Variants in ACACB observed in about 807,000 individuals in gnomAD.
The protein encoded by ACACB is acetyl-CoA carboxylase beta.
ACACB carries 209 observed loss-of-function variants against 278.8 expected under a neutral mutation model. That is an observed-to-expected ratio of 0.75 (90% CI 0.67 to 0.84). The LOEUF is 0.84. ACACB is among the 40% of genes least tolerant of loss of function. The pLI is 0.00. For synonymous variants in ACACB, 1,174 were observed against 1,285.6 expected (o/e 0.91, Z 1.86); for missense variants, 2,850 against 3,269.0 (o/e 0.87, Z 3.13).
intron 36 of ACACB, chr12:109,242,128 T>C (rs2046816354): frequency 7.1e-6 from 2 of 280,192 alleles, no homozygotes; most frequent in South Asian, 1.5e-4. Flanking sequence ...GGCACAGGAC[T>C]GTTCGCACCA....
At chr12:109,171,779 T>C (rs1283831485) in intron 4 of ACACB, 26 bp from the exon 5 acceptor site, 2 of 1,573,622 alleles carry the variant, frequency 1.3e-6, no homozygotes, top group African/African-American at 2.7e-5. Context: ...AGCAGTTCCT[T>C]CCTTCTCCCT....
chr12:109,213,594 G>C (rs1356932330), intron 22 of ACACB, among the ~76,000 whole-genome samples: 1 of 151,852 alleles, frequency 6.6e-6, no homozygotes, highest in Admixed American at 6.6e-5. Flanking sequence ...GATGACAAAA[G>C]GATTTTCTTT....
intron 37 of ACACB, 118 bp downstream of exon 37, chr12:109,242,710 A>G (rs1331717725): frequency 7.7e-7 from 1 of 1,290,556 alleles, no homozygotes; most frequent in Non-Finnish European, 1.1e-6. Context: ...AGGTCTTGCC[A>G]GGTGCGGTGG....
chr12:109,235,708 T>C, intron 33 of ACACB, 61 bp downstream of exon 33: 1 of 1,485,824 alleles, frequency 6.7e-7, no homozygotes, highest in Non-Finnish European at 9.3e-7. Flanking sequence ...TTTTAAGAGA[T>C]GGGATGGGGC....
intron 1 of ACACB, among the ~76,000 whole-genome samples, chr12:109,119,044 C>G (rs1234718524): frequency 6.6e-6 from 1 of 152,062 alleles, no homozygotes; most frequent in East Asian, 1.9e-4. Flanking sequence ...TTGGCATACC[C>G]CAGGTATGCC....
chr12:109,175,171 G>T (rs2044243529), intron 7 of ACACB, among the ~76,000 whole-genome samples: 1 of 151,766 alleles, frequency 6.6e-6, no homozygotes, highest in South Asian at 2.1e-4. Flanking sequence ...GGAGTTTCTA[G>T]GACAAATTAA....
chr12:109,240,028 C>T (rs1463056454), intron 35 of ACACB, 43 bp downstream of exon 35: 1 of 1,593,090 alleles, frequency 6.3e-7, no homozygotes, highest in Non-Finnish European at 8.6e-7. Context: ...TCTGGGTTCA[C>T]CCTCTGAGCC....
chr12:109,159,223 A>G (rs2043642725), intron 2 of ACACB, among the ~76,000 whole-genome samples: 1 of 152,226 alleles, frequency 6.6e-6, no homozygotes, highest in African/African-American at 2.4e-5. Flanking sequence ...TTACTGGGCT[A>G]CACAGTGTTC....
chr12:109,189,303 A>T (rs1050542791), intron 13 of ACACB, among the ~76,000 whole-genome samples: 3 of 152,180 alleles, frequency 2.0e-5, no homozygotes, highest in African/African-American at 7.2e-5. Context: ...GCTTAGAATA[A>T]TTAATTTTAA....
At chr12:109,248,069 C>T (rs760233303) in intron 40 of ACACB, among the ~76,000 whole-genome samples, 21 of 152,170 alleles carry the variant, frequency 1.4e-4, no homozygotes, top group Non-Finnish European at 2.9e-4. Flanking sequence ...TCTTCGAGAG[C>T]ATTCAAAGGC....
chr12:109,160,998 A>G (rs893865141), intron 2 of ACACB, among the ~76,000 whole-genome samples: 1 of 152,166 alleles, frequency 6.6e-6, no homozygotes, highest in Non-Finnish European at 1.5e-5. Context: ...AGACTTTCTG[A>G]AGCTGAACCA....
At chr12:109,167,018 G>T (rs1375494467) in intron 3 of ACACB, 25 bp downstream of exon 3, 1 of 1,613,654 alleles carries the variant, frequency 6.2e-7, no homozygotes, top group South Asian at 1.1e-5. Context: ...CGGCACTCTG[G>T]GTGGGGTCCG....
intron 49 of ACACB, 102 bp downstream of exon 49, chr12:109,262,571 C>A: frequency 4.6e-6 from 3 of 648,716 alleles, no homozygotes; most frequent in Non-Finnish European, 8.1e-6. Flanking sequence ...GAAAAAATAC[C>A]AAAATACAGC....
chr12:109,128,021 G>A (rs868355254), intron 1 of ACACB, among the ~76,000 whole-genome samples: 5 of 152,110 alleles, frequency 3.3e-5, no homozygotes, highest in East Asian at 1.9e-4. Flanking sequence ...GCAGCCTGGC[G>A]AGCTCCTATT....
In ACACB at chr12:109,237,371, G is replaced by C; in HGVS notation, c.4653G>C (p.Leu1551=). The change falls in exon 34 of 53, where the codon CTG becomes CTC. Residue 1551 remains leucine, a synonymous_variant. Transcript: ENST00000338432. ...GCGCCATCATCAGGCACTCTGACCT[G>C]ATCACAAAGGTAAGATGTCGCAGAG... ...FIRAIIRHSD[L]ITKEASFEYL... 6.2e-7 allele frequency: 1 copy of C among 1,613,832 alleles called. No homozygotes were observed. The highest frequency in any genetic ancestry group is 8.5e-7 in the Non-Finnish European group (1 of 1,179,888).
chr12:109,172,213 C>T, intron 5 of ACACB, 62 bp from the exon 6 acceptor site: 1 of 1,517,504 alleles, frequency 6.6e-7, no homozygotes, highest in Non-Finnish European at 9.1e-7. Context: ...TGAGTTACTG[C>T]ACCTGGCTGG....
At position 109,126,616 on chromosome 12, in the gene ACACB, C is replaced by T. The variant is rs572248507; in HGVS notation, c.-10+9912C>T. On this transcript the variant is annotated intron_variant, in intron 1 of 52. Coordinates refer to ENST00000338432, the MANE Select transcript of ACACB (RefSeq NM_001093.4). ...GGAGGATTGCTTGATCCCAGGAGTTCGAGGCTGCTGTCAGTTACAATTGTG... is the reference window on the plus strand; with the variant it reads ...GGAGGATTGCTTGATCCCAGGAGTTTGAGGCTGCTGTCAGTTACAATTGTG... 5.9e-5 allele frequency among the ~76,000 whole-genome samples: 9 copies of T among 152,114 alleles called. 1 individual carries two copies. The East Asian group carries it at 1.5e-3, about 26-fold the overall frequency.
At chr12:109,145,023 AG>A (rs2043208764) in intron 2 of ACACB, among the ~76,000 whole-genome samples, 1 of 151,892 alleles carries the variant, frequency 6.6e-6, no homozygotes, top group African/African-American at 2.4e-5. Flanking sequence ...GGCCTCCCAA[AG>A]TGCTGGGATT....
chr12:109,227,406 A>C lies in ACACB; in HGVS notation c.3918A>C (p.Leu1306Phe). The change falls in exon 28 of 53, where the codon TTA (leucine) becomes TTC (phenylalanine). Residue 1306 changes from leucine (L) to phenylalanine (F), a missense_variant. Physicochemically the swap from Leu to Phe is conservative, Grantham distance 22. This residue lies in a region of ACACB where 2,265 missense variants were observed against 2,561.3 expected (regional missense o/e 0.88). Coordinates refer to ENST00000338432, the MANE Select transcript of ACACB (RefSeq NM_001093.4). ...GGAGGGGCTACATCGCCTATGAGTTAAACAGCCTGCAGCACCGGCAGCTCC... is the reference window on the plus strand; with the variant it reads ...GGAGGGGCTACATCGCCTATGAGTTCAACAGCCTGCAGCACCGGCAGCTCC... ...YVRRGYIAYE[L>F]NSLQHRQLPD... The C allele has an allele frequency of 6.2e-7, 1 of 1,613,600 alleles. No homozygotes were observed. Among genetic ancestry groups the C allele is most frequent in the Non-Finnish European group, 8.5e-7 (1 of 1,179,790 alleles).
Sources: allele counts gnomAD v4.1 joint callset (sites outside exome capture counted in the v4.1 genomes callset), GRCh38; gene constraint gnomAD v4.1.1; regional missense constraint gnomAD v4.1.1; transcripts MANE v1.5; gene names NCBI Gene and HGNC (gene_info 2026-07-23, HGNC 2026-07-21).